Variants in RORA observed in about 807,000 individuals in gnomAD.
RORA encodes nuclear receptor ROR-alpha.
RORA carries 7 observed loss-of-function variants against 69.5 expected under a neutral mutation model. That is an observed-to-expected ratio of 0.10 (90% CI 0.06 to 0.19). The LOEUF (loss-of-function observed/expected upper bound fraction) is 0.19. Among genes scored for constraint, RORA ranks in the 10% least tolerant of loss-of-function variants. The pLI, the probability that RORA is intolerant of heterozygous loss-of-function variation, is 1.00. For missense variants in RORA, 457 were observed against 663.0 expected (o/e 0.69, Z 3.41); for synonymous variants, 261 against 240.8 (o/e 1.08, Z -0.78).
intron 1 of RORA, among the ~76,000 whole-genome samples, chr15:61,215,728 T>C (rs1439743040): frequency 6.6e-6 from 1 of 152,264 alleles, no homozygotes; most frequent in African/African-American, 2.4e-5. Flanking sequence ...GAACCAATTA[T>C]TTTTGTTCAC....
At position 60,884,681 on chromosome 15, in the gene RORA, G is replaced by A. The variant is rs557095352; in HGVS notation, c.167-205995C>T. 2.0e-5 allele frequency among the ~76,000 whole-genome samples: 3 copies of A among 152,250 alleles called. 1 individual carries two copies. Among genetic ancestry groups the A allele is most frequent in the African/African-American group, 7.2e-5 (3 of 41,554 alleles). ...GAGTTAGCAGTTACTGAAGTGGTCT[G>A]GAGTTTATTGACTCTATTAAGGTCC... On this transcript the variant is annotated intron_variant, in intron 1 of 10. Coordinates refer to ENST00000335670, the MANE Select transcript of RORA (RefSeq NM_134261.3).
intron 2 of RORA, among the ~76,000 whole-genome samples, chr15:60,624,471 CATATATATATATAT>C (rs3053858): frequency 6.8e-5 from 5 of 73,580 alleles, no homozygotes; most frequent in African/African-American, 3.3e-4. Flanking sequence ...CCATTTGCTG[CATATATATATATAT>C]ATATATATAT....
rs117722026 is a variant in RORA, at chr15:60,561,661, G to C, written c.197-29810C>G. On this transcript the variant is annotated intron_variant, in intron 2 of 10. Coordinates refer to ENST00000335670, the MANE Select transcript of RORA (RefSeq NM_134261.3). ...AAAATACCAATACATTTTGTTAAAG[G>C]GTCAAGAACTATAGAAGGAAAGTAC... 6.5e-4 allele frequency among the ~76,000 whole-genome samples: 99 copies of C among 152,014 alleles called. No individual in the cohort carries two copies. In the East Asian group the frequency reaches 7.8e-3, roughly 12 times the overall value.
chr15:61,121,751 A>G (rs139147231), intron 1 of RORA, among the ~76,000 whole-genome samples: 1 of 152,054 alleles, frequency 6.6e-6, no homozygotes, highest in Non-Finnish European at 1.5e-5. Context: ...AGAAAATGAC[A>G]ATTCAGAACA....
intron 2 of RORA, among the ~76,000 whole-genome samples, chr15:60,587,439 TCCA>T (rs1374762268): frequency 6.6e-6 from 1 of 152,188 alleles, no homozygotes; most frequent in Non-Finnish European, 1.5e-5. Context: ...CACAGCTTCC[TCCA>T]GGGGAGGCAT....
At chr15:60,653,641 C>T (rs1313882496) in intron 2 of RORA, among the ~76,000 whole-genome samples, 1 of 152,120 alleles carries the variant, frequency 6.6e-6, no homozygotes, top group Non-Finnish European at 1.5e-5. Context: ...TGCCCACAGC[C>T]ACATTACTTG....
chr15:60,508,486 T>A (rs1202529271), intron 5 of RORA, among the ~76,000 whole-genome samples: 1 of 152,190 alleles, frequency 6.6e-6, no homozygotes, highest in Non-Finnish European at 1.5e-5. Context: ...CAGTCCCACA[T>A]AATTTGTGTC....
intron 1 of RORA, among the ~76,000 whole-genome samples, chr15:61,121,896 C>T (rs755101422): frequency 3.4e-5 from 5 of 147,940 alleles, no homozygotes; most frequent in Admixed American, 2.0e-4. Context: ...GATCCATATA[C>T]ATACTGCAGG....
At chr15:61,182,514 C>G (rs550598288) in intron 1 of RORA, among the ~76,000 whole-genome samples, 1 of 152,232 alleles carries the variant, frequency 6.6e-6, no homozygotes, top group African/African-American at 2.4e-5. Flanking sequence ...CTGGAGCCAA[C>G]TGCAGGAAGA....
At position 60,826,787 on chromosome 15, in the gene RORA, CTCTTTTTTT is replaced by C. The variant is rs755805984; in HGVS notation, c.167-148110_167-148102del. Among the ~76,000 whole-genome samples, 527 of 93,314 alleles carry C rather than the reference CTCTTTTTTT, an allele frequency of 5.6e-3. 3 individuals carry two copies. The highest frequency in any genetic ancestry group is 0.01 in the Non-Finnish European group (382 of 36,568). The allele number at this position is 93,314 out of a possible 152,430, so 61.2% of individuals were successfully genotyped here. ...TCTCCCTCTCTCTCTCTCTCTCTCT[CTCTTTTTTT>C]TTTAAAGACACACCTGTTCTTTTCC... is the stretch of plus-strand genomic sequence containing the variant. On this transcript the variant is annotated intron_variant, in intron 1 of 10. Transcript: ENST00000335670.
chr15:60,579,679 C>T (rs2068135122), intron 2 of RORA, among the ~76,000 whole-genome samples: 1 of 152,180 alleles, frequency 6.6e-6, no homozygotes, highest in South Asian at 2.1e-4. Context: ...CTTTCCCAAA[C>T]CTTTCACTTT....
At chr15:61,171,123 C>T (rs776279451) in intron 1 of RORA, among the ~76,000 whole-genome samples, 12 of 152,186 alleles carry the variant, frequency 7.9e-5, no homozygotes, top group Non-Finnish European at 1.5e-4. Context: ...GACATGCTGG[C>T]TCATACTCAC....
At chr15:60,957,258 A>C (rs747078698) in intron 1 of RORA, among the ~76,000 whole-genome samples, 1 of 152,256 alleles carries the variant, frequency 6.6e-6, no homozygotes, top group African/African-American at 2.4e-5. Flanking sequence ...GGGCTATAAG[A>C]GTGCTTTAAA....
chr15:60,555,246 T>C (rs1353234647), intron 2 of RORA, among the ~76,000 whole-genome samples: 1 of 152,176 alleles, frequency 6.6e-6, no homozygotes, highest in Non-Finnish European at 1.5e-5. Flanking sequence ...GCATTACTCT[T>C]ACCCTTATTT....
Position 60,668,259 on chromosome 15 carries a change from C to T in RORA, c.196+10398G>A, listed in dbSNP as rs977849633. Among the ~76,000 whole-genome samples, 45 of 152,024 alleles carry T rather than the reference C, an allele frequency of 3.0e-4. 1 individual carries two copies. The highest frequency in any genetic ancestry group is 2.4e-3 in the Admixed American group (36 of 15,254). On this transcript the variant is annotated intron_variant, in intron 2 of 10. Coordinates refer to ENST00000335670, the MANE Select transcript of RORA (RefSeq NM_134261.3). The stretch of plus-strand genomic sequence containing the variant: ...CAATGTTTGAAGCGACATAATCAGC[C>T]GGAGAGGGACTTGTGTCAGTTAGAT...
At chr15:61,014,105 CT>C (rs1595878316) in intron 1 of RORA, among the ~76,000 whole-genome samples, 1 of 152,146 alleles carries the variant, frequency 6.6e-6, no homozygotes, top group African/African-American at 2.4e-5. Context: ...TAAATAACAG[CT>C]CTGTAATGAA....
At chr15:61,171,610 A>G (rs969697956) in intron 1 of RORA, among the ~76,000 whole-genome samples, 4 of 152,308 alleles carry the variant, frequency 2.6e-5, no homozygotes, top group Non-Finnish European at 5.9e-5. Flanking sequence ...CAGAGCTGCT[A>G]GCCCTACTTG....
At chr15:60,887,007 A>C (rs1039363973) in intron 1 of RORA, among the ~76,000 whole-genome samples, 1 of 152,204 alleles carries the variant, frequency 6.6e-6, no homozygotes, top group Non-Finnish European at 1.5e-5. Flanking sequence ...CTCGGCTACA[A>C]GATCGTCTTC....
At chr15:60,871,429 T>C (rs560993066) in intron 1 of RORA, among the ~76,000 whole-genome samples, 23 of 152,344 alleles carry the variant, frequency 1.5e-4, no homozygotes, top group African/African-American at 5.3e-4. Context: ...GAATGACATC[T>C]ACATGAGGTT....
Sources: allele counts gnomAD v4.1 joint callset (sites outside exome capture counted in the v4.1 genomes callset), GRCh38; gene constraint gnomAD v4.1.1; transcripts MANE v1.5; gene names NCBI Gene and HGNC (gene_info 2026-07-23, HGNC 2026-07-21).